Variants in ST14 observed in about 807,000 individuals in gnomAD.
ST14 encodes suppressor of tumorigenicity 14 protein.
A neutral mutation model predicts 96.5 loss-of-function variants in ST14; 40 were observed. The ratio of observed to expected loss-of-function variants is 0.41; its 90% CI spans 0.32 to 0.54. ST14 has a LOEUF of 0.54. Among genes scored for constraint, ST14 ranks in the 20% least tolerant of loss-of-function variants. ST14 has a pLI of 0.17. For synonymous variants in ST14, 506 were observed against 492.1 expected, an observed-to-expected ratio of 1.03 and a Z score of -0.37; for missense variants, 1,066 against 1,188.9, an observed-to-expected ratio of 0.90 and a Z score of 1.52.
intron 5 of ST14, 95 bp downstream of exon 5, chr11:130,189,991 G>T (rs1413288813): frequency 1.2e-6 from 2 of 1,610,082 alleles, no homozygotes; most frequent in Non-Finnish European, 1.7e-6. Flanking sequence ...GCACTCCCAG[G>T]GCCCAGTGCC....
At chr11:130,189,172 G>A (rs368914118) in intron 4 of ST14, among the ~76,000 whole-genome samples, 1 of 152,242 alleles carries the variant, frequency 6.6e-6, no homozygotes, top group East Asian at 1.9e-4. Flanking sequence ...GGCCTGTGAC[G>A]TGCTTGGCAT....
chr11:130,192,036 A>G (rs1953308767), intron 7 of ST14, among the ~76,000 whole-genome samples: 1 of 152,192 alleles, frequency 6.6e-6, no homozygotes, highest in South Asian at 2.1e-4. Context: ...GAAAACGGAA[A>G]GGCGTGGTTA....
intron 1 of ST14, among the ~76,000 whole-genome samples, chr11:130,175,110 C>T (rs1010744118): frequency 2.4e-4 from 37 of 152,122 alleles, no homozygotes; most frequent in African/African-American, 7.2e-4. Flanking sequence ...GAATTTCAAG[C>T]GGAATGGCAA....
chr11:130,185,575 G>A (rs1330727399), intron 1 of ST14, among the ~76,000 whole-genome samples: 3 of 152,102 alleles, frequency 2.0e-5, no homozygotes, highest in African/African-American at 4.8e-5. Context: ...AGGATTGCCT[G>A]AGCTCAGGAG....
intron 7 of ST14, 41 bp downstream of exon 7, chr11:130,190,735 C>A (rs1288981235): frequency 6.5e-7 from 1 of 1,534,058 alleles, no homozygotes; most frequent in Admixed American, 2.0e-5. Flanking sequence ...GGGAGCTTGG[C>A]GGCTGCCCTG....
intron 16 of ST14, among the ~76,000 whole-genome samples, chr11:130,206,440 G>A (rs1045027183): frequency 2.6e-5 from 4 of 151,922 alleles, no homozygotes; most frequent in African/African-American, 9.7e-5. Flanking sequence ...GCGTCTCAGC[G>A]TCCGTTGGTG....
chr11:130,192,898 G>A lies in ST14; in HGVS notation c.876-1251G>A, dbSNP rs565406964. 3.9e-5 allele frequency among the ~76,000 whole-genome samples: 6 copies of A among 152,290 alleles called. No homozygotes were observed. The South Asian group carries it at 8.3e-4, about 21-fold the overall frequency. On this transcript the variant is annotated intron_variant, in intron 7 of 18. Coordinates refer to ENST00000278742, the MANE Select transcript of ST14 (RefSeq NM_021978.4). ...CACAATCAGGATGACATGGTTGTGA[G>A]CAGTGTGGACTCTGGAGCTTGAATG...
chr11:130,188,119 G>A lies in ST14; in HGVS notation c.87G>A (p.Val29=). 3.1e-6 allele frequency: 5 copies of A among 1,614,146 alleles called. No homozygotes were observed. Among genetic ancestry groups the A allele is most frequent in the Non-Finnish European group, 3.4e-6 (4 of 1,180,012 alleles). ...TGGCGCCTCTCTCCCTGCAGAAAGTGAATGGCTTGGAGGAAGGCGTGGAGT... is the reference window on the plus strand; with the variant it reads ...TGGCGCCTCTCTCCCTGCAGAAAGTAAATGGCTTGGAGGAAGGCGTGGAGT... ...GLKYNSRHEK[V]NGLEEGVEFL... The change falls in exon 2 of 19, where the codon GTG becomes GTA. Residue 29 remains valine, a synonymous_variant. Transcript: ENST00000278742. This position sits in a 1 kb window ranked among gnomAD's most constrained non-coding sequence, Gnocchi z 5.4.
intron 1 of ST14, among the ~76,000 whole-genome samples, chr11:130,174,338 C>T (rs1410626730): frequency 6.6e-6 from 1 of 152,218 alleles, no homozygotes; most frequent in Non-Finnish European, 1.5e-5. Context: ...ATTCTTACAG[C>T]CGCTAGGCTT....
At chr11:130,201,154 G>A (rs549567418) in intron 16 of ST14, among the ~76,000 whole-genome samples, 2 of 152,360 alleles carry the variant, frequency 1.3e-5, no homozygotes, top group African/African-American at 4.8e-5. Flanking sequence ...GCCTGGAAGG[G>A]TCACATGGGC....
chr11:130,173,820 C>T (rs1454524608), intron 1 of ST14, among the ~76,000 whole-genome samples: 1 of 152,026 alleles, frequency 6.6e-6, no homozygotes, highest in Non-Finnish European at 1.5e-5. Flanking sequence ...CCCCTCTGTC[C>T]ACTTTCTCTG....
chr11:130,191,887 C>T (rs1043024138), intron 7 of ST14, among the ~76,000 whole-genome samples: 1 of 152,054 alleles, frequency 6.6e-6, no homozygotes, highest in Non-Finnish European at 1.5e-5. Context: ...GAGATCCTTT[C>T]GGAGGAGGTG....
chr11:130,201,379 C>T (rs1210483527), intron 16 of ST14, among the ~76,000 whole-genome samples: 2 of 152,220 alleles, frequency 1.3e-5, no homozygotes, highest in Non-Finnish European at 2.9e-5. Context: ...GTAGGCAGCT[C>T]CAGGAGCAGG....
intron 11 of ST14, among the ~76,000 whole-genome samples, chr11:130,197,522 G>A (rs1953379747): frequency 6.6e-6 from 1 of 152,164 alleles, no homozygotes; most frequent in South Asian, 2.1e-4. Context: ...AGCACACAGG[G>A]CAGGGCAGGG....
chr11:130,170,629 TC>T (rs1442836879), intron 1 of ST14, among the ~76,000 whole-genome samples: 3 of 151,650 alleles, frequency 2.0e-5, no homozygotes, highest in African/African-American at 7.3e-5. Context: ...GCCCAGCCAT[TC>T]CGAGCAGGCA....
chr11:130,169,233 T>C (rs2136202748), intron 1 of ST14, among the ~76,000 whole-genome samples: 1 of 151,770 alleles, frequency 6.6e-6, no homozygotes, highest in South Asian at 2.1e-4. Flanking sequence ...TAGCTGGGAC[T>C]ACAGGTGTGT....
chr11:130,168,111 A>G (rs1718765448), intron 1 of ST14, among the ~76,000 whole-genome samples: 1 of 152,212 alleles, frequency 6.6e-6, no homozygotes, highest in Non-Finnish European at 1.5e-5. Context: ...GCTTTCATCG[A>G]GGGAACATAT....
At chr11:130,207,263 G>A (rs1191381135) in intron 16 of ST14, among the ~76,000 whole-genome samples, 3 of 152,184 alleles carry the variant, frequency 2.0e-5, no homozygotes, top group Non-Finnish European at 4.4e-5. Flanking sequence ...TTTAAGAATT[G>A]TGAGCCAGCG....
intron 1 of ST14, among the ~76,000 whole-genome samples, chr11:130,160,819 A>C (rs1436934769): frequency 6.6e-6 from 1 of 152,172 alleles, no homozygotes; most frequent in East Asian, 1.9e-4. Flanking sequence ...GGACCCACCT[A>C]GGTGGTAGTG....
Sources: allele counts gnomAD v4.1 joint callset (sites outside exome capture counted in the v4.1 genomes callset), GRCh38; gene constraint gnomAD v4.1.1; non-coding constraint Gnocchi (gnomAD v3.1); transcripts MANE v1.5; gene names NCBI Gene and HGNC (gene_info 2026-07-23, HGNC 2026-07-21).